Variants in RBFOX1 observed in about 807,000 individuals in gnomAD.
The protein encoded by RBFOX1 is RNA binding protein fox-1 homolog 1.
In RBFOX1, 8 loss-of-function variants were observed where a neutral mutation model predicts 57.7. The ratio of observed to expected loss-of-function variants is 0.14; its 90% CI spans 0.08 to 0.25. RBFOX1 has a LOEUF of 0.25. RBFOX1 is among the 10% of genes least tolerant of loss of function. RBFOX1 has a pLI of 1.00. For synonymous variants in RBFOX1, 326 were observed against 222.4 expected, an observed-to-expected ratio of 1.47 and a Z score of -4.15; for missense variants, 611 against 548.5, an observed-to-expected ratio of 1.11 and a Z score of -1.14.
At chr16:5,820,267 T>A (rs962318743) in intron 3 of RBFOX1, among the ~76,000 whole-genome samples, 2 of 152,238 alleles carry the variant, frequency 1.3e-5, no homozygotes, top group Non-Finnish European at 2.9e-5. Context: ...CTACATTGTC[T>A]TATTCAGTTC....
intron 4 of RBFOX1, among the ~76,000 whole-genome samples, chr16:7,249,944 C>G (rs889167676): frequency 6.6e-6 from 1 of 152,218 alleles, no homozygotes; most frequent in African/African-American, 2.4e-5. Flanking sequence ...TTAAGAGACT[C>G]TTTCTCTAAA....
At chr16:5,804,857 G>A (rs774320787) in intron 3 of RBFOX1, among the ~76,000 whole-genome samples, 19 of 128,934 alleles carry the variant, frequency 1.5e-4, no homozygotes, top group Non-Finnish European at 3.4e-5. Flanking sequence ...GGCCCTCCTT[G>A]TTGTGCAGGG....
chr16:5,821,183 A>G (rs1275880561), intron 3 of RBFOX1, among the ~76,000 whole-genome samples: 3 of 150,954 alleles, frequency 2.0e-5, no homozygotes, highest in African/African-American at 4.9e-5. Flanking sequence ...CTGGCCTGGG[A>G]GATAACATGG....
chr16:6,286,119 T>G (rs1217845086), intron 1 of RBFOX1, among the ~76,000 whole-genome samples: 1 of 152,150 alleles, frequency 6.6e-6, no homozygotes, highest in Non-Finnish European at 1.5e-5. Flanking sequence ...GAAATATGTT[T>G]CAAAGCAACG....
intron 3 of RBFOX1, among the ~76,000 whole-genome samples, chr16:5,628,952 T>A (rs1368012940): frequency 6.6e-6 from 1 of 152,214 alleles, no homozygotes; most frequent in African/African-American, 2.4e-5. Context: ...GATAGCAAGT[T>A]ATGGCTGATG....
intron 3 of RBFOX1, among the ~76,000 whole-genome samples, chr16:6,983,988 C>G (rs558617559): frequency 1.1e-4 from 16 of 152,296 alleles, no homozygotes; most frequent in East Asian, 7.7e-4. Flanking sequence ...TGGCTGAACC[C>G]TGTAATTCCA....
intron 3 of RBFOX1, among the ~76,000 whole-genome samples, chr16:6,790,485 C>T (rs1271445957): frequency 6.6e-6 from 1 of 151,942 alleles, no homozygotes. Context: ...GGGCATGGCG[C>T]CCTCCATCGT....
intron 3 of RBFOX1, among the ~76,000 whole-genome samples, chr16:6,716,547 C>T (rs1384645556): frequency 6.6e-6 from 1 of 152,246 alleles, no homozygotes; most frequent in Non-Finnish European, 1.5e-5. Flanking sequence ...ATAGAACTTA[C>T]TCTTCCATCT....
chr16:6,708,551 G>A lies in RBFOX1; in HGVS notation c.-16+53901G>A, dbSNP rs577788884. On this transcript the variant is annotated intron_variant, in intron 3 of 15. Transcript: ENST00000550418. Reference sequence around the variant, plus strand: ...ACAATTTCGCACAAATATGTTTTTTGCCCAATGATTTAAGATGCTCTTAAT... The same window carrying A: ...ACAATTTCGCACAAATATGTTTTTTACCCAATGATTTAAGATGCTCTTAAT... Among the ~76,000 whole-genome samples the A allele has an allele frequency of 2.0e-5, 3 of 152,106 alleles. No homozygotes were observed. In the East Asian group the frequency reaches 5.8e-4, roughly 29 times the overall value.
chr16:7,654,934 A>T (rs946141764), intron 12 of RBFOX1, among the ~76,000 whole-genome samples: 1 of 152,232 alleles, frequency 6.6e-6, no homozygotes. Flanking sequence ...TGCAGCTGAG[A>T]AACCCTGCTC....
At chr16:6,210,130 C>T (rs770689281) in intron 1 of RBFOX1, among the ~76,000 whole-genome samples, 31 of 151,390 alleles carry the variant, frequency 2.0e-4, no homozygotes, top group Admixed American at 8.6e-4. Flanking sequence ...CCAGCCTGGC[C>T]AACATGGTGA....
intron 3 of RBFOX1, among the ~76,000 whole-genome samples, chr16:6,843,422 C>G (rs1285133184): frequency 1.3e-5 from 2 of 152,134 alleles, no homozygotes; most frequent in Admixed American, 1.3e-4. Context: ...GACATGGTGG[C>G]TTACACCTGT....
At chr16:5,729,396 C>CTTTTTTTTTTTTTTTT (rs71142649) in intron 3 of RBFOX1, among the ~76,000 whole-genome samples, 3 of 111,462 alleles carry the variant, frequency 2.7e-5, no homozygotes, top group Non-Finnish European at 5.4e-5. Flanking sequence ...TTTTTCTTTT[C>CTTTTTTTTTTTTTTTT]TTTTTTTTTT....
At chr16:7,618,478 C>G (rs11077207) in intron 10 of RBFOX1, among the ~76,000 whole-genome samples, 59,934 of 151,776 alleles carry the variant, frequency 0.39, 13,941 homozygotes, top group Non-Finnish European at 0.51. Context: ...TCGTGGTTTT[C>G]TCTAAATCTT....
intron 4 of RBFOX1, among the ~76,000 whole-genome samples, chr16:5,955,357 A>AAATAAAATAAAAT (rs2059613349): frequency 9.6e-5 from 2 of 20,812 alleles, no homozygotes; most frequent in African/African-American, 3.4e-4. Context: ...AAAATAAATA[A>AAATAAAATAAAAT]AAATAAAATA....
intron 4 of RBFOX1, among the ~76,000 whole-genome samples, chr16:5,917,100 C>G (rs2058720965): frequency 6.6e-6 from 1 of 152,084 alleles, no homozygotes; most frequent in Non-Finnish European, 1.5e-5. Context: ...GCTCTACAGT[C>G]TGGAATTTGT....
chr16:6,572,172 C>T (rs567550789), intron 2 of RBFOX1, among the ~76,000 whole-genome samples: 5 of 152,222 alleles, frequency 3.3e-5, no homozygotes, highest in East Asian at 1.9e-4. Context: ...CTTGATATCC[C>T]GTCGTGGAAG....
At chr16:5,462,248 A>G (rs1434860624) in intron 1 of RBFOX1, among the ~76,000 whole-genome samples, 1 of 145,932 alleles carries the variant, frequency 6.9e-6, no homozygotes, top group Non-Finnish European at 1.5e-5. Flanking sequence ...GGCTCACTGC[A>G]AGCTCCGCCT....
chr16:6,491,493 C>A (rs2095631971), intron 2 of RBFOX1, among the ~76,000 whole-genome samples: 1 of 152,192 alleles, frequency 6.6e-6, no homozygotes, highest in African/African-American at 2.4e-5. Context: ...TCAGGATTCA[C>A]ATTCTGCTGC....
Sources: gnomAD v4.1 joint callset for allele counts (sites outside exome capture counted in the v4.1 genomes callset) on GRCh38, gnomAD v4.1.1 for gene constraint, MANE v1.5 for transcripts, NCBI Gene and HGNC (gene_info 2026-07-23, HGNC 2026-07-21) for gene names.